Variants in SYT2 observed in about 807,000 individuals in gnomAD.
The protein encoded by SYT2 is synaptotagmin 2.
A neutral mutation model predicts 39.9 loss-of-function variants in SYT2; 15 were observed. That is an observed-to-expected ratio of 0.38 (90% CI 0.25 to 0.58). The LOEUF is 0.58. Among genes scored for constraint, SYT2 ranks in the 20% least tolerant of loss-of-function variants. SYT2 has a pLI of 0.70. For synonymous variants in SYT2, 181 were observed against 204.5 expected (o/e 0.89, Z 0.98); for missense variants, 389 against 530.3 (o/e 0.73, Z 2.62).
chr1:202,619,791 G>A (rs765607813), intron 1 of SYT2, among the ~76,000 whole-genome samples: 1 of 152,240 alleles, frequency 6.6e-6, no homozygotes, highest in African/African-American at 2.4e-5. Context: ...GGGCATCAGA[G>A]CAGGGCAGGC....
chr1:202,612,130 A>G (rs1690898693), intron 1 of SYT2, among the ~76,000 whole-genome samples: 1 of 152,222 alleles, frequency 6.6e-6, no homozygotes, highest in Non-Finnish European at 1.5e-5. Flanking sequence ...TCCATTTGGT[A>G]TATAACATTT....
intron 1 of SYT2, among the ~76,000 whole-genome samples, chr1:202,668,294 A>C (rs562167995): frequency 5.9e-5 from 9 of 152,352 alleles, no homozygotes; most frequent in African/African-American, 1.9e-4. Context: ...GTCTGCTTCA[A>C]GTCTTTTTTT....
chr1:202,690,541 A>G (rs1374170172), intron 1 of SYT2, among the ~76,000 whole-genome samples: 8 of 152,228 alleles, frequency 5.3e-5, no homozygotes, highest in Admixed American at 5.2e-4. Flanking sequence ...TCAGTGCTGC[A>G]TGAGTCCCTC....
At chr1:202,670,721 G>C (rs1180341445) in intron 1 of SYT2, among the ~76,000 whole-genome samples, 1 of 152,234 alleles carries the variant, frequency 6.6e-6, no homozygotes, top group African/African-American at 2.4e-5. Context: ...CACACCTAAT[G>C]TTTGAAAGCA....
At chr1:202,659,760 C>T (rs1558452186) in intron 1 of SYT2, among the ~76,000 whole-genome samples, 1 of 152,134 alleles carries the variant, frequency 6.6e-6, no homozygotes, top group East Asian at 1.9e-4. Context: ...AGCTTAGGGG[C>T]AGCCAGGGCA....
In SYT2 at chr1:202,614,497, G is replaced by A. The variant is rs1312274400; in HGVS notation, c.-17-8708C>T. Among the ~76,000 whole-genome samples the A allele has an allele frequency of 6.6e-6, 1 of 152,208 alleles. No homozygotes were observed. The highest frequency in any genetic ancestry group is 1.9e-4 in the East Asian group (1 of 5,200). On this transcript the variant is annotated intron_variant, in intron 1 of 8. Transcript: ENST00000367268. This position sits in a 1 kb window ranked among gnomAD's most constrained non-coding sequence, Gnocchi z 4.0. The stretch of plus-strand genomic sequence containing the variant: ...TCACTCACTCACTCAAGTATTTACT[G>A]AGCTCATATCATGCTTCCCTCATGG...
intron 1 of SYT2, among the ~76,000 whole-genome samples, chr1:202,666,479 T>C (rs1334873292): frequency 2.0e-5 from 3 of 151,944 alleles, no homozygotes; most frequent in Non-Finnish European, 4.4e-5. Flanking sequence ...GAGGAGAGGG[T>C]TTGAAGGCTG....
intron 1 of SYT2, among the ~76,000 whole-genome samples, chr1:202,679,596 C>G (rs1653475048): frequency 6.6e-6 from 1 of 152,170 alleles, no homozygotes; most frequent in Admixed American, 6.5e-5. Flanking sequence ...CCCAGAGGCC[C>G]AGGCCCTCAT....
Position 202,596,455 on chromosome 1 carries a change from T to C in SYT2, c.*302A>G. On this transcript the variant is annotated 3_prime_UTR_variant, in exon 9 of 9. Transcript: ENST00000367268. ...AGTTTGTGCCAGTAGAGAGCCTCGC[T>C]TGGGGTGAGGCAGATGTGAAGCTTT... The C allele has an allele frequency of 3.5e-6, 1 of 285,426 alleles. No homozygotes were observed. The highest frequency in any genetic ancestry group is 6.3e-5 in the South Asian group (1 of 15,874). The allele number at this position is 285,426 out of a possible 1,614,324, so 17.7% of individuals were successfully genotyped here. A position where few individuals can be genotyped will look rare whatever the true frequency, so the allele number is the denominator to read the frequency against.
rs1301241499 is a variant in SYT2 at position 202,623,517 on chromosome 1, T to C, written c.-17-17728A>G. 1.3e-5 allele frequency among the ~76,000 whole-genome samples: 2 copies of C among 152,232 alleles called. No homozygotes were observed. Among genetic ancestry groups the C allele is most frequent in the Non-Finnish European group, 2.9e-5 (2 of 68,028 alleles). ...CTGTCCTGGGGCGGAGGAGAGGGTC[T>C]TCCATTGGTTGGGTGTCAAGATGCT... On this transcript the variant is annotated intron_variant, in intron 1 of 8. Coordinates refer to ENST00000367268, the MANE Select transcript of SYT2 (RefSeq NM_177402.5). The surrounding 1 kb of genome is among the most constrained non-coding windows in gnomAD (Gnocchi z 4.2).
rs890263204 is a variant in SYT2 at position 202,599,801 on chromosome 1, G to A, written c.920-450C>T. 1.3e-5 allele frequency among the ~76,000 whole-genome samples: 2 copies of A among 152,216 alleles called. No individual in the cohort carries two copies. Among genetic ancestry groups the A allele is most frequent in the Non-Finnish European group, 2.9e-5 (2 of 68,036 alleles). On this transcript the variant is annotated intron_variant, in intron 7 of 8. Transcript: ENST00000367268. This position sits in a 1 kb window ranked among gnomAD's most constrained non-coding sequence, Gnocchi z 4.4. ...AGCGGGTCAGTGACAGAGCCAGGCT[G>A]GCACTGAAACGCGCTGGTTGGAGCC... is the stretch of plus-strand genomic sequence containing the variant.
chr1:202,600,351 A>C lies in SYT2; in HGVS notation c.919+6T>G. 5.6e-6 allele frequency: 9 copies of C among 1,612,798 alleles called. No homozygotes were observed. Among genetic ancestry groups the C allele is most frequent in the African/African-American group, 1.3e-5 (1 of 75,016 alleles). On this transcript the variant is annotated splice_donor_region_variant and intron_variant, in intron 7 of 8. Transcript: ENST00000367268. Reference sequence around the variant, plus strand: ...ACCCAATGGCAGCCAGAAGCTCTCCACGTACCTGAAAGGCCGCCCACGTCC... The same window carrying C: ...ACCCAATGGCAGCCAGAAGCTCTCCCCGTACCTGAAAGGCCGCCCACGTCC...
At chr1:202,631,078 CAG>C (rs1691575646) in intron 1 of SYT2, among the ~76,000 whole-genome samples, 1 of 152,198 alleles carries the variant, frequency 6.6e-6, no homozygotes, top group South Asian at 2.1e-4. Flanking sequence ...AACTGACAGC[CAG>C]AGAGAGGAAG....
At chr1:202,655,270 C>T (rs925400333) in intron 1 of SYT2, among the ~76,000 whole-genome samples, 3 of 152,098 alleles carry the variant, frequency 2.0e-5, no homozygotes, top group East Asian at 1.9e-4. Flanking sequence ...GCAGGAGATG[C>T]GAGCCCAGGA....
Position 202,591,662 on chromosome 1 carries a change from CG to C in SYT2, c.*5094del, listed in dbSNP as rs1690123327. 6.5e-6 allele frequency: 1 copy of C among 152,680 alleles called. No homozygotes were observed. Among genetic ancestry groups the C allele is most frequent in the Non-Finnish European group, 1.5e-5 (1 of 68,274 alleles). The allele number at this position is 152,680 out of a possible 1,614,324, so 9.5% of individuals were successfully genotyped here. On this transcript the variant is annotated 3_prime_UTR_variant, in exon 9 of 9. Transcript: ENST00000367268. ...TTCTGTCAGACTGCAGGAGGATGCA[CG>C]AGGGAAGAGCGTCAGCCCCTGTATT...
chr1:202,597,804 T>C (rs577232849), intron 8 of SYT2, among the ~76,000 whole-genome samples: 8 of 152,258 alleles, frequency 5.3e-5, no homozygotes, highest in African/African-American at 1.9e-4. Context: ...CGAATACCTG[T>C]ACCAAGGCAG....
At chr1:202,654,124 A>G (rs1200773851) in intron 1 of SYT2, among the ~76,000 whole-genome samples, 2 of 152,212 alleles carry the variant, frequency 1.3e-5, no homozygotes, top group Non-Finnish European at 2.9e-5. Context: ...TTGCCCAGCC[A>G]CAGCTGAGCT....
At chr1:202,624,710 T>C (rs530389194) in intron 1 of SYT2, among the ~76,000 whole-genome samples, 1 of 18,390 alleles carries the variant, frequency 5.4e-5, no homozygotes, top group African/African-American at 1.8e-4. Context: ...GTAGGGTGTG[T>C]GTGTGGTATG....
chr1:202,676,326 C>T (rs1160053646), intron 1 of SYT2, among the ~76,000 whole-genome samples: 1 of 152,208 alleles, frequency 6.6e-6, no homozygotes, highest in East Asian at 1.9e-4. Flanking sequence ...GGCAGAGAAT[C>T]CTTCCCAAAG....
Sources: gnomAD v4.1 joint callset for allele counts (sites outside exome capture counted in the v4.1 genomes callset) on GRCh38, gnomAD v4.1.1 for gene constraint, Gnocchi (gnomAD v3.1) non-coding constraint, MANE v1.5 for transcripts, NCBI Gene and HGNC (gene_info 2026-07-23, HGNC 2026-07-21) for gene names.